The following PARM1 variants were observed in gnomAD, a reference collection of about 807,000 sequenced individuals.
The protein encoded by PARM1 is WSC4, cell wall integrity and stress response component 4 homolog.
In PARM1, 14 loss-of-function variants were observed where a neutral mutation model predicts 24.6. The observed-to-expected ratio is 0.57, with a 90% CI of 0.38 to 0.89. PARM1 has a LOEUF of 0.89. PARM1 is among the 40% of genes least tolerant of loss of function. The pLI is 0.00. For synonymous variants in PARM1, 179 were observed against 156.6 expected (o/e 1.14, Z -1.07); for missense variants, 362 against 380.4 (o/e 0.95, Z 0.40).
intron 1 of PARM1, among the ~76,000 whole-genome samples, chr4:75,002,917 G>T (rs1722707208): frequency 6.6e-6 from 1 of 152,228 alleles, no homozygotes; most frequent in Non-Finnish European, 1.5e-5. Flanking sequence ...TAAGCCATGG[G>T]CACATCTTAA....
chr4:74,968,058 T>A (rs2109993170), intron 1 of PARM1, among the ~76,000 whole-genome samples: 1 of 152,324 alleles, frequency 6.6e-6, no homozygotes, highest in Non-Finnish European at 1.5e-5. Context: ...TAGCACCATC[T>A]CTTAGCCAGC....
rs1195079258 is a variant in PARM1, at chr4:75,047,158, T to C, written c.*911T>C. On this transcript the variant is annotated 3_prime_UTR_variant, in exon 4 of 4. Coordinates refer to ENST00000307428, the MANE Select transcript of PARM1 (RefSeq NM_015393.4). ...CATTAGGACAAGTGAGAATCAGCTA[T>C]TGATAATGGCCAGAGATATCCACAG... 1 of 152,326 alleles carries C rather than the reference T, an allele frequency of 6.6e-6. No homozygotes were observed. Among genetic ancestry groups the C allele is most frequent in the Non-Finnish European group, 1.5e-5 (1 of 68,124 alleles). The allele number at this position is 152,326 out of a possible 1,614,324, so 9.4% of individuals were successfully genotyped here.
At chr4:74,935,679 G>T (rs1217563163) in intron 1 of PARM1, among the ~76,000 whole-genome samples, 1 of 152,086 alleles carries the variant, frequency 6.6e-6, no homozygotes, top group African/African-American at 2.4e-5. Flanking sequence ...CTTGAGCCAG[G>T]AACAGCATTA....
At chr4:74,957,567 G>T (rs1721663182) in intron 1 of PARM1, among the ~76,000 whole-genome samples, 1 of 152,070 alleles carries the variant, frequency 6.6e-6, no homozygotes, top group Admixed American at 6.5e-5. Flanking sequence ...TTAAAGATTT[G>T]GGCCTACCTC....
chr4:74,939,644 G>A (rs1721261417), intron 1 of PARM1, among the ~76,000 whole-genome samples: 1 of 152,032 alleles, frequency 6.6e-6, no homozygotes, highest in South Asian at 2.1e-4. Flanking sequence ...TGCTGGATAA[G>A]TCTATTGGTA....
intron 1 of PARM1, among the ~76,000 whole-genome samples, chr4:74,983,326 T>G (rs779130231): frequency 1.8e-4 from 27 of 152,188 alleles, no homozygotes; most frequent in Non-Finnish European, 3.8e-4. Context: ...ATAACTATTT[T>G]GAGGGGGAGA....
At chr4:74,941,213 G>A (rs1333518846) in intron 1 of PARM1, among the ~76,000 whole-genome samples, 1 of 152,210 alleles carries the variant, frequency 6.6e-6, no homozygotes, top group Non-Finnish European at 1.5e-5. Flanking sequence ...ACATTCAGGA[G>A]GAGAGCCCAG....
At chr4:75,006,958 T>G (rs189305715) in intron 1 of PARM1, among the ~76,000 whole-genome samples, 2 of 151,830 alleles carry the variant, frequency 1.3e-5, no homozygotes, top group African/African-American at 4.8e-5. Flanking sequence ...TGGGAGAAAA[T>G]TTTTGCGATC....
intron 2 of PARM1, among the ~76,000 whole-genome samples, chr4:75,033,011 G>T (rs1014781772): frequency 2.6e-5 from 4 of 152,322 alleles, no homozygotes; most frequent in East Asian, 3.9e-4. Context: ...CACACAAAAA[G>T]CATGTTGTGC....
chr4:74,951,913 A>G (rs901242072), intron 1 of PARM1, among the ~76,000 whole-genome samples: 1 of 152,206 alleles, frequency 6.6e-6, no homozygotes, highest in Non-Finnish European at 1.5e-5. Flanking sequence ...TGCATGTGTC[A>G]TTATAGTAGA....
intron 1 of PARM1, among the ~76,000 whole-genome samples, chr4:75,001,264 T>A (rs758002161): frequency 1.3e-5 from 2 of 152,212 alleles, no homozygotes; most frequent in Non-Finnish European, 2.9e-5. Context: ...AATTGAGATA[T>A]ATTCATACAA....
In PARM1 at chr4:75,048,500, T is replaced by G. The variant is rs1331359491; in HGVS notation, c.*2253T>G. 1.3e-5 allele frequency: 2 copies of G among 152,142 alleles called. No homozygotes were observed. The highest frequency in any genetic ancestry group is 2.4e-5 in the African/African-American group (1 of 41,428). 9.4% of individuals were successfully genotyped at this position (152,142 alleles called of 1,614,324 possible). On this transcript the variant is annotated 3_prime_UTR_variant, in exon 4 of 4. Coordinates refer to ENST00000307428, the MANE Select transcript of PARM1 (RefSeq NM_015393.4). ...AGGAAAAGCAGATAAAAACAGAACA[T>G]TCCATATGTTTCTTTCTCCATCGGC...
At chr4:74,956,778 G>T (rs1036618420) in intron 1 of PARM1, 1 of 152,140 alleles carries the variant, frequency 6.6e-6, no homozygotes, top group Non-Finnish European at 1.5e-5. Context: ...TTCTGAGTAG[G>T]TCTATGACTG....
intron 1 of PARM1, among the ~76,000 whole-genome samples, chr4:75,009,744 C>T (rs1722837715): frequency 6.6e-6 from 1 of 152,190 alleles, no homozygotes; most frequent in Non-Finnish European, 1.5e-5. Context: ...TTCTTCCTTT[C>T]TCCCGCAAGT....
At chr4:75,038,198 G>A (rs1047327378) in intron 3 of PARM1, among the ~76,000 whole-genome samples, 5 of 152,054 alleles carry the variant, frequency 3.3e-5, no homozygotes, top group South Asian at 2.1e-4. Context: ...TACAGGCGTG[G>A]GCCACTGCGC....
Position 75,048,120 on chromosome 4 carries a change from T to C in PARM1, c.*1873T>C, listed in dbSNP as rs747458135. 9 of 152,198 alleles carry C rather than the reference T, an allele frequency of 5.9e-5. No individual in the cohort carries two copies. The highest frequency in any genetic ancestry group is 1.3e-4 in the Admixed American group (2 of 15,278). The allele number at this position is 152,198 out of a possible 1,614,324, so 9.4% of individuals were successfully genotyped here. ...CCCCGGCTCATCCTGTCTCTGGCTG[T>C]GGCCCGGCAAAGCACTGAAAACCCC... On this transcript the variant is annotated 3_prime_UTR_variant, in exon 4 of 4. Coordinates refer to ENST00000307428, the MANE Select transcript of PARM1 (RefSeq NM_015393.4).
intron 1 of PARM1, 46 bp downstream of exon 1, chr4:74,933,416 C>T: frequency 6.4e-7 from 1 of 1,566,126 alleles, no homozygotes; most frequent in Non-Finnish European, 8.8e-7. Flanking sequence ...GGGGTGGGCC[C>T]CAGTAGCTAG....
At chr4:75,033,989 A>ATCCCTTTTTTTG (rs1560798978) in intron 3 of PARM1, 28 bp downstream of exon 3, 2 of 1,552,884 alleles carry the variant, frequency 1.3e-6, no homozygotes, top group Admixed American at 3.7e-5. Flanking sequence ...CTTAAAAAAA[A>ATCCCTTTTTTTG]GGGATTCTGT....
chr4:75,001,977 T>C (rs531326534), intron 1 of PARM1, among the ~76,000 whole-genome samples: 49 of 152,318 alleles, frequency 3.2e-4, no homozygotes, highest in Middle Eastern at 3.4e-3. Context: ...CTATAATCAG[T>C]CAAATTGCCT....
Sources: allele counts gnomAD v4.1 joint callset (sites outside exome capture counted in the v4.1 genomes callset), GRCh38; gene constraint gnomAD v4.1.1; transcripts MANE v1.5; gene names NCBI Gene and HGNC (gene_info 2026-07-23, HGNC 2026-07-21).